LILRA4: variants seen among roughly 807,000 people sequenced by gnomAD.
LILRA4 encodes leukocyte immunoglobulin-like receptor subfamily A member 4.
Under a neutral mutation model 49.5 loss-of-function variants are expected in LILRA4, and 51 were observed. The ratio of observed to expected loss-of-function variants is 1.03; its 90% CI spans 0.82 to 1.30. The LOEUF (loss-of-function observed/expected upper bound fraction) is 1.30, where lower values mean the gene tolerates loss of function less well. Among genes scored for constraint, LILRA4 ranks in the 50% most tolerant of loss-of-function variants. The probability of loss-of-function intolerance (pLI) is 0.00; values close to 1 mark genes in which losing one functional copy is unlikely to be tolerated. For synonymous variants in LILRA4, 272 were observed against 265.6 expected (o/e 1.02, Z -0.23); for missense variants, 624 against 625.6 (o/e 1.00, Z 0.03).
At position 54,333,871 on chromosome 19, in the gene LILRA4, C is replaced by A. The variant is rs369694286; in HGVS notation, c.1306+44G>T. 232 of 1,611,438 alleles carry A rather than the reference C, an allele frequency of 1.4e-4. 2 individuals are homozygous for A. The African/African-American group carries it at 2.9e-3, about 20-fold the overall frequency. The stretch of plus-strand genomic sequence containing the variant: ...CCCACCTCCCCTTGACAGGACCTGA[C>A]CCTCTGTGCCCAGCCCCATAACTGG... On this transcript the variant is annotated intron_variant, in intron 7 of 7. Transcript: ENST00000291759.
chr19:54,337,175 C>T, intron 5 of LILRA4, 32 bp from the exon 6 acceptor site: 1 of 1,589,614 alleles, frequency 6.3e-7, no homozygotes, highest in Non-Finnish European at 8.6e-7. Context: ...GAGGGGCTGC[C>T]CCACCTTGTT....
chr19:54,334,209 G>A (rs1195785518), intron 6 of LILRA4: 1 of 516,234 alleles, frequency 1.9e-6, no homozygotes, highest in African/African-American at 1.9e-5. Flanking sequence ...AGGAGCTCAG[G>A]ATTAGTAAGA....
intron 6 of LILRA4, chr19:54,336,605 G>T (rs2081325688): frequency 3.1e-6 from 2 of 640,430 alleles, no homozygotes; most frequent in South Asian, 4.2e-5. Context: ...CCTTCCATGG[G>T]CTGGGCCCTC....
Position 54,337,486 on chromosome 19 carries a change from T to C in LILRA4, c.866A>G (p.Tyr289Cys), listed in dbSNP as rs762547890. ...GCCGTAGCATCTGTACTGGCCCCCG[T>C]AGGAGCGGCTCACAGGGCTCAGGGT... is the stretch of plus-strand genomic sequence containing the variant. ...NFTLSPVSRS[Y>C]GGQYRCYGAH... Residue 289 changes from tyrosine to cysteine, a missense_variant, in exon 5 of 8, where the codon TAC (tyrosine) becomes TGC (cysteine). Transcript: ENST00000291759. The C allele has an allele frequency of 5.0e-6, 8 of 1,612,254 alleles. No homozygotes were observed. The highest frequency in any genetic ancestry group is 3.3e-5 in the South Asian group (3 of 91,024).
At chr19:54,336,324 C>G (rs117126899) in intron 6 of LILRA4, 4,613 of 172,946 alleles carry the variant, frequency 0.027, 75 homozygotes, top group Non-Finnish European at 0.041. Flanking sequence ...GCGCTTTCAT[C>G]TCCCACGGGG....
rs2081343294 is a variant in LILRA4 at position 54,337,620 on chromosome 19, A to G, written c.732T>C (p.Cys244=). Residue 244 remains cysteine (C), a synonymous_variant, in exon 5 of 8, where the codon TGT becomes TGC. Transcript: ENST00000291759. ...VTPGENLTLQ[C]GSDVGYIRYT... is the part of the protein sequence containing the mutation. ...ATCTGATGTAGCCGACATCAGAGCC[A>G]CACTGGAGGGTCAGATTCTCTCCGG... The G allele has an allele frequency of 6.2e-7, 1 of 1,613,766 alleles. No individual in the cohort carries two copies. Among genetic ancestry groups the G allele is most frequent in the Non-Finnish European group, 8.5e-7 (1 of 1,179,920 alleles).
rs771692815 is a variant in LILRA4, at chr19:54,337,608, G to A, written c.744C>T (p.Val248=). 5.6e-6 allele frequency: 9 copies of A among 1,613,680 alleles called. No homozygotes were observed. Among genetic ancestry groups the A allele is most frequent in the Middle Eastern group, 1.7e-4 (1 of 5,902 alleles). Reference sequence around the variant, plus strand: ...TGTACAGAGTGTATCTGATGTAGCCGACATCAGAGCCACACTGGAGGGTCA... The same window carrying A: ...TGTACAGAGTGTATCTGATGTAGCCAACATCAGAGCCACACTGGAGGGTCA... ...ENLTLQCGSD[V]GYIRYTLYKE... is the part of the protein sequence containing the mutation. Residue 248 remains valine, a synonymous_variant, in exon 5 of 8, where the codon GTC becomes GTT. Coordinates refer to ENST00000291759, the MANE Select transcript of LILRA4 (RefSeq NM_012276.5).
intron 6 of LILRA4, 92 bp downstream of exon 6, chr19:54,336,749 G>GAGAC (rs770195250): frequency 1.3e-6 from 2 of 1,524,240 alleles, no homozygotes; most frequent in Non-Finnish European, 1.8e-6. Flanking sequence ...GGCAGCAAGT[G>GAGAC]AGACAGACAG....
chr19:54,338,323 C>G, intron 3 of LILRA4, 73 bp downstream of exon 3: 1 of 1,599,346 alleles, frequency 6.3e-7, no homozygotes, highest in South Asian at 1.1e-5. Flanking sequence ...GAAGGGAGAC[C>G]CCTCGAGAGC....
Position 54,338,194 on chromosome 19 carries a change from C to A in LILRA4, c.397G>T (p.Val133Leu), listed in dbSNP as rs1245694164. Residue 133 changes from valine to leucine, a missense_variant, in exon 4 of 8, where the codon GTG (valine) becomes TTG (leucine). Val to Leu is a conservative substitution (Grantham distance 32). Coordinates refer to ENST00000291759, the MANE Select transcript of LILRA4 (RefSeq NM_012276.5). Reference protein sequence around the residue: ...PTLSALPSPVVTSGVNVTLRC... With the variant: ...PTLSALPSPVLTSGVNVTLRC... ...AGGGTCACGTTCACTCCTGAGGTCA[C>A]CACAGGGCTTGGCAGTGCGGACAGG... 2 of 1,613,890 alleles carry A rather than the reference C, an allele frequency of 1.2e-6. No individual in the cohort carries two copies. Among genetic ancestry groups the A allele is most frequent in the Non-Finnish European group, 1.7e-6 (2 of 1,179,814 alleles).
intron 6 of LILRA4, 67 bp from the exon 7 acceptor site, chr19:54,334,032 T>C (rs2081298847): frequency 7.8e-7 from 1 of 1,275,458 alleles, no homozygotes; most frequent in Admixed American, 1.7e-5. Flanking sequence ...AATGCATTCT[T>C]ATATTCCTCC....
intron 4 of LILRA4, 70 bp from the exon 5 acceptor site, chr19:54,337,766 C>T (rs1232228398): frequency 6.6e-7 from 1 of 1,522,192 alleles, no homozygotes. Flanking sequence ...TGTAGCCTTC[C>T]TCACTAGGGT....
Position 54,339,072 on chromosome 19 carries a change from G to A in LILRA4, c.22C>T (p.Leu8=). 1 of 1,614,230 alleles carries A rather than the reference G, an allele frequency of 6.2e-7. No homozygotes were observed. Among genetic ancestry groups the A allele is most frequent in the African/African-American group, 1.3e-5 (1 of 75,056 alleles). Residue 8 remains leucine (L), a synonymous_variant, in exon 1 of 8, where the codon CTG becomes TTG. Coordinates refer to ENST00000291759, the MANE Select transcript of LILRA4 (RefSeq NM_012276.5). ...CTTAAGATCTCACCAAAGAAGAGCA[G>A]GCTTGTGAGAATGAGGGTCATGGCA... MTLILTS[L]LFFGLSLGPR... is the part of the protein sequence containing the mutation.
chr19:54,337,893 T>TG, intron 4 of LILRA4, 43 bp downstream of exon 4: 4 of 1,569,768 alleles, frequency 2.5e-6, no homozygotes, highest in Non-Finnish European at 3.5e-6. Context: ...ACAGCTCACC[T>TG]GGTGCCCTGA....
At chr19:54,333,994 G>A (rs746318902) in intron 6 of LILRA4, 29 bp from the exon 7 acceptor site, 2 of 1,601,714 alleles carry the variant, frequency 1.2e-6, no homozygotes. Flanking sequence ...GGATGTTGGT[G>A]AGAAGCTGAA....
At chr19:54,337,293 C>G (rs372490651) in intron 5 of LILRA4, 107 bp downstream of exon 5, 72 of 1,524,248 alleles carry the variant, frequency 4.7e-5, no homozygotes, top group East Asian at 9.4e-5. Flanking sequence ...CTGTCTCTCC[C>G]TCCCTTAGGA....
intron 6 of LILRA4, 71 bp from the exon 7 acceptor site, chr19:54,334,036 T>C: frequency 8.3e-7 from 1 of 1,208,204 alleles, no homozygotes. Context: ...CATTCTTATA[T>C]TCCTCCACCT....
Position 54,338,048 on chromosome 19 carries a change from G to A in LILRA4, c.543C>T (p.Pro181=), listed in dbSNP as rs2081351048. 8 of 1,614,084 alleles carry A rather than the reference G, an allele frequency of 5.0e-6. No homozygotes were observed. The highest frequency in any genetic ancestry group is 6.8e-6 in the Non-Finnish European group (8 of 1,179,990). The change falls in exon 4 of 8, where the codon CCC becomes CCT. Residue 181 remains proline, a synonymous_variant. Coordinates refer to ENST00000291759, the MANE Select transcript of LILRA4 (RefSeq NM_012276.5). The stretch of plus-strand genomic sequence containing the variant: ...TGTTGCTGAAGGTCAGGGGGCCCAT[G>A]GGGAACAGGGCCTGGAACTTTCCAT... ...HNHGKFQALF[P]MGPLTFSNRG...
rs760039854 is a variant in LILRA4, at chr19:54,338,163, C to T, written c.428G>A (p.Cys143Tyr). Residue 143 changes from cysteine to tyrosine, a missense_variant, in exon 4 of 8, where the codon TGT becomes TAT. By Grantham distance (194) the Cys-to-Tyr change is radical (BLOSUM62 -2). Coordinates refer to ENST00000291759, the MANE Select transcript of LILRA4 (RefSeq NM_012276.5). Reference sequence around the variant, plus strand: ...CCTGCCCAGTCCCAGCCGTGAGGCACACCGGAGGGTCACGTTCACTCCTGA... The same window carrying T: ...CCTGCCCAGTCCCAGCCGTGAGGCATACCGGAGGGTCACGTTCACTCCTGA... Reference protein sequence around the residue: ...VTSGVNVTLRCASRLGLGRFT... With the variant: ...VTSGVNVTLRYASRLGLGRFT... The T allele has an allele frequency of 6.2e-7, 1 of 1,614,074 alleles. No homozygotes were observed. The highest frequency in any genetic ancestry group is 8.5e-7 in the Non-Finnish European group (1 of 1,179,962).
Sources: gnomAD v4.1 joint callset for allele counts on GRCh38, gnomAD v4.1.1 for gene constraint, MANE v1.5 for transcripts, NCBI Gene and HGNC (gene_info 2026-07-23, HGNC 2026-07-21) for gene names.